The following NIPSNAP3B variants were observed in gnomAD, a reference collection of about 807,000 sequenced individuals.
NIPSNAP3B encodes nipsnap homolog 3B, also known as protein NipSnap homolog 3B.
A neutral mutation model predicts 31.5 loss-of-function variants in NIPSNAP3B; 30 were observed. The observed-to-expected ratio is 0.95, with a 90% CI of 0.71 to 1.29. NIPSNAP3B has a LOEUF of 1.29. Ranked by LOEUF, NIPSNAP3B falls within the 50% of genes most tolerant of loss-of-function variation. NIPSNAP3B has a pLI of 0.00. For missense variants in NIPSNAP3B, 269 were observed against 300.7 expected (o/e 0.89, Z 0.78); for synonymous variants, 106 against 107.9 (o/e 0.98, Z 0.11).
chr9:104,766,417 G>A lies in NIPSNAP3B; in HGVS notation c.153G>A (p.Ala51=), dbSNP rs1361924161. 5.0e-6 allele frequency: 8 copies of A among 1,613,584 alleles called. No homozygotes were observed. The highest frequency in any genetic ancestry group is 1.1e-5 in the South Asian group (1 of 91,074). Residue 51 remains alanine, a synonymous_variant, in exon 2 of 6, where the codon GCG becomes GCA. Transcript: ENST00000374762. ...TYYLKPSNMN[A]FMENLKKNIH... ...ACCTTAAACCTTCAAATATGAATGC[G>A]TTCATGGAAAATCTTAAGAAAAACA... is the stretch of plus-strand genomic sequence containing the variant.
chr9:104,766,313 T>A lies in NIPSNAP3B; in HGVS notation c.61-12T>A, dbSNP rs1377438761. 6.2e-7 allele frequency: 1 copy of A among 1,609,318 alleles called. No homozygotes were observed. The highest frequency in any genetic ancestry group is 1.3e-5 in the African/African-American group (1 of 74,848). On this transcript the variant is annotated splice_polypyrimidine_tract_variant and intron_variant, in intron 1 of 5. Coordinates refer to ENST00000374762, the MANE Select transcript of NIPSNAP3B (RefSeq NM_018376.4). ...CTTCCCAAGATATTTACATTTGTCTTACCTCCTTCAGGTGTGTTCATCTTT... is the reference window on the plus strand; with the variant it reads ...CTTCCCAAGATATTTACATTTGTCTAACCTCCTTCAGGTGTGTTCATCTTT...
intron 3 of NIPSNAP3B, 64 bp from the exon 4 acceptor site, chr9:104,770,785 G>A: frequency 1.3e-6 from 2 of 1,491,636 alleles, no homozygotes; most frequent in South Asian, 2.3e-5. Flanking sequence ...ATGAAATCAG[G>A]AAAACCTGGT....
Position 104,774,476 on chromosome 9 carries a change from A to G in NIPSNAP3B, c.*1403A>G, listed in dbSNP as rs1828291943. On this transcript the variant is annotated 3_prime_UTR_variant, in exon 6 of 6. Transcript: ENST00000374762. The stretch of plus-strand genomic sequence containing the variant: ...GTGGTTAACTACACATAAATTACCA[A>G]TAAAATTAAAAGTTAACTAAAATAC... Among the ~76,000 whole-genome samples, 2 of 152,256 alleles carry G rather than the reference A, an allele frequency of 1.3e-5. No individual in the cohort carries two copies. The highest frequency in any genetic ancestry group is 4.8e-5 in the African/African-American group (2 of 41,474).
chr9:104,786,152 G>A, the NIPSNAP3B span: 18 of 708,590 alleles, frequency 2.5e-5, no homozygotes, highest in Admixed American at 4.7e-5. Flanking sequence ...AATGCAGTTC[G>A]GACTTCAAAG....
At chr9:104,778,534 A>G (rs1302451513), downstream of NIPSNAP3B, among the ~76,000 whole-genome samples, 1 of 152,134 alleles carries the variant, frequency 6.6e-6, no homozygotes, top group East Asian at 1.9e-4. Flanking sequence ...GCCAACTTGC[A>G]CACATTTATC....
chr9:104,788,664 T>C, the NIPSNAP3B span: 1 of 1,407,312 alleles, frequency 7.1e-7, no homozygotes, highest in Non-Finnish European at 1.0e-6. Flanking sequence ...GCTTCTCCAT[T>C]ACAAAGATAC....
rs1828338970 is a variant in NIPSNAP3B, at chr9:104,776,462, T to G, written c.*3389T>G. On this transcript the variant is annotated 3_prime_UTR_variant, in exon 6 of 6. Coordinates refer to ENST00000374762, the MANE Select transcript of NIPSNAP3B (RefSeq NM_018376.4). ...GGAGGTTTGGCCTTTGTGAGTTAGT[T>G]TTAGATGAGGTCATGTGGGTAATAG... Among the ~76,000 whole-genome samples, 1 of 152,148 alleles carries G rather than the reference T, an allele frequency of 6.6e-6. No homozygotes were observed. Among genetic ancestry groups the G allele is most frequent in the Non-Finnish European group, 1.5e-5 (1 of 68,022 alleles).
the NIPSNAP3B span, chr9:104,790,803 T>A: frequency 2.7e-6 from 2 of 739,696 alleles, no homozygotes; most frequent in East Asian, 5.1e-5. Context: ...CCCTTTACTA[T>A]ATTTCAACAT....
intron 4 of NIPSNAP3B, among the ~76,000 whole-genome samples, chr9:104,772,313 TATC>T (rs1828240842): frequency 3.9e-5 from 1 of 25,790 alleles, no homozygotes; most frequent in South Asian, 8.5e-4. Flanking sequence ...TCAAAATTAA[TATC>T]ATTGACATAG....
At chr9:104,764,380 A>T in intron 1 of NIPSNAP3B, 80 bp downstream of exon 1, 1 of 1,262,312 alleles carries the variant, frequency 7.9e-7, no homozygotes, top group South Asian at 1.5e-5. Flanking sequence ...CGTGCGAGCC[A>T]CGCTCAGGCG....
rs1409624546 is a variant in NIPSNAP3B at position 104,774,852 on chromosome 9, ATT to A, written c.*1780_*1781del. The stretch of plus-strand genomic sequence containing the variant: ...CATTGTATTTTTCTCTATTTTATTC[ATT>A]CTTTCATTCTCTTCGATGACTCCCA... On this transcript the variant is annotated 3_prime_UTR_variant, in exon 6 of 6. Transcript: ENST00000374762. 1.3e-5 allele frequency among the ~76,000 whole-genome samples: 2 copies of A among 152,152 alleles called. No individual in the cohort carries two copies. The highest frequency in any genetic ancestry group is 4.8e-5 in the African/African-American group (2 of 41,426).
Position 104,775,071 on chromosome 9 carries a change from A to T in NIPSNAP3B, c.*1998A>T, listed in dbSNP as rs1405192351. ...TGCCCCAAGCAAAGACAAACCCTCC[A>T]CTTGAACACTCACTTGCTGAAGGAT... On this transcript the variant is annotated 3_prime_UTR_variant, in exon 6 of 6. Coordinates refer to ENST00000374762, the MANE Select transcript of NIPSNAP3B (RefSeq NM_018376.4). 6.6e-6 allele frequency among the ~76,000 whole-genome samples: 1 copy of T among 151,706 alleles called. No individual in the cohort carries two copies. The highest frequency in any genetic ancestry group is 6.6e-5 in the Admixed American group (1 of 15,212).
rs1208694454 is a variant in NIPSNAP3B, at chr9:104,768,851, T to G, written c.272-12T>G. ...ATAAAAAAACATTTTCTTAACTATTTTCCTCCCATAGATAATTTTGCTCAT... is the reference window on the plus strand; with the variant it reads ...ATAAAAAAACATTTTCTTAACTATTGTCCTCCCATAGATAATTTTGCTCAT... On this transcript the variant is annotated splice_polypyrimidine_tract_variant and intron_variant, in intron 2 of 5. Transcript: ENST00000374762. 1 of 1,589,780 alleles carries G rather than the reference T, an allele frequency of 6.3e-7. No homozygotes were observed. Among genetic ancestry groups the G allele is most frequent in the East Asian group, 2.2e-5 (1 of 44,660 alleles).
downstream of NIPSNAP3B, chr9:104,782,388 G>T (rs1828594202): frequency 6.6e-6 from 1 of 152,018 alleles, no homozygotes; most frequent in Admixed American, 6.5e-5. Context: ...GAAATCTGAA[G>T]TCTTACACCT....
chr9:104,766,455 C>A lies in NIPSNAP3B; in HGVS notation c.191C>A (p.Thr64Asn), dbSNP rs768724264. 2 of 1,613,766 alleles carry A rather than the reference C, an allele frequency of 1.2e-6. No homozygotes were observed. Among genetic ancestry groups the A allele is most frequent in the South Asian group, 2.2e-5 (2 of 91,078 alleles). The change falls in exon 2 of 6, where the codon ACC becomes AAC. Residue 64 changes from threonine (T) to asparagine (N), a missense_variant. Thr to Asn is a moderately conservative substitution (Grantham distance 65). Transcript: ENST00000374762. ...CTTAAGAAAAACATTCATCTTCGGA[C>A]CTCTTACTCTGAATTGGTTGGATTC... ...ENLKKNIHLRTSYSELVGFWS... is the reference protein window; with the variant it reads ...ENLKKNIHLRNSYSELVGFWS...
At chr9:104,784,125 A>C in the NIPSNAP3B span, 1 of 668,606 alleles carries the variant, frequency 1.5e-6, no homozygotes. Flanking sequence ...TAGGCTACAA[A>C]GGCACTGCCC....
At chr9:104,769,074 C>A in intron 3 of NIPSNAP3B, 53 bp downstream of exon 3, 1 of 1,386,300 alleles carries the variant, frequency 7.2e-7, no homozygotes, top group Non-Finnish European at 9.9e-7. Flanking sequence ...TACTAAAGAC[C>A]TAAAGTTATA....
chr9:104,771,968 C>G, intron 4 of NIPSNAP3B, among the ~76,000 whole-genome samples: 1 of 152,184 alleles, frequency 6.6e-6, no homozygotes, highest in Non-Finnish European at 1.5e-5. Flanking sequence ...TTTGCATTCT[C>G]TAATGATCAG....
At chr9:104,769,631 G>T (rs1367942016) in intron 3 of NIPSNAP3B, among the ~76,000 whole-genome samples, 2 of 152,120 alleles carry the variant, frequency 1.3e-5, no homozygotes, top group Non-Finnish European at 2.9e-5. Flanking sequence ...AAAAAGTGGG[G>T]CTTGGGAGCT....
Sources: allele counts gnomAD v4.1 joint callset (sites outside exome capture counted in the v4.1 genomes callset), GRCh38; gene constraint gnomAD v4.1.1; transcripts MANE v1.5; gene names NCBI Gene and HGNC (gene_info 2026-07-23, HGNC 2026-07-21).